CADM1: variants seen among roughly 807,000 people sequenced by gnomAD.
CADM1 encodes the protein TSLC-1.
In CADM1, 15 loss-of-function variants were observed where a neutral mutation model predicts 53.1. That is an observed-to-expected ratio of 0.28 (90% CI 0.19 to 0.44). CADM1 has a LOEUF of 0.44. Among genes scored for constraint, CADM1 ranks in the 20% least tolerant of loss-of-function variants. CADM1 has a pLI of 1.00. For synonymous variants in CADM1, 281 were observed against 243.0 expected (o/e 1.16, Z -1.45); for missense variants, 434 against 611.3 (o/e 0.71, Z 3.06).
At chr11:115,332,886 G>A (rs1030866882) in intron 1 of CADM1, among the ~76,000 whole-genome samples, 2 of 152,040 alleles carry the variant, frequency 1.3e-5, no homozygotes, top group Non-Finnish European at 1.5e-5. Context: ...GGAAAAAAGC[G>A]ATGTTCCTGG....
chr11:115,350,857 G>A (rs1331324053), intron 1 of CADM1, among the ~76,000 whole-genome samples: 1 of 149,786 alleles, frequency 6.7e-6, no homozygotes, highest in Non-Finnish European at 1.5e-5. Flanking sequence ...GGAAAGTCAC[G>A]TTTAAAATCG....
intron 1 of CADM1, among the ~76,000 whole-genome samples, chr11:115,503,320 A>G (rs886539314): frequency 2.0e-5 from 3 of 152,208 alleles, no homozygotes; most frequent in Non-Finnish European, 4.4e-5. Context: ...CAGGGAAGGC[A>G]CCGGGCGTGC....
intron 1 of CADM1, among the ~76,000 whole-genome samples, chr11:115,440,248 T>G (rs1464555197): frequency 6.6e-6 from 1 of 152,224 alleles, no homozygotes; most frequent in Non-Finnish European, 1.5e-5. Flanking sequence ...CAGCAAACAT[T>G]TCATCTCCTG....
At chr11:115,285,645 T>C (rs1943710709) in intron 1 of CADM1, among the ~76,000 whole-genome samples, 1 of 152,266 alleles carries the variant, frequency 6.6e-6, no homozygotes, top group Admixed American at 6.5e-5. Context: ...ATATTTCATT[T>C]AATCTGAAAA....
At chr11:115,453,387 C>CA (rs11286640) in intron 1 of CADM1, among the ~76,000 whole-genome samples, 1,735 of 138,472 alleles carry the variant, frequency 0.013, 18 homozygotes, top group Admixed American at 0.034. Context: ...CAAAAAAAAC[C>CA]AAAAAAAAAA....
chr11:115,253,706 C>T (rs1269883998), intron 1 of CADM1, among the ~76,000 whole-genome samples: 1 of 152,190 alleles, frequency 6.6e-6, no homozygotes, highest in Non-Finnish European at 1.5e-5. Flanking sequence ...CAGCGGAAAA[C>T]TGACCATGGA....
chr11:115,338,877 A>ATTTTTTTTTTTTTTATTTTTTTTT (rs56300408), intron 1 of CADM1, among the ~76,000 whole-genome samples: 3 of 127,738 alleles, frequency 2.3e-5, no homozygotes, highest in East Asian at 2.2e-4. Flanking sequence ...TATTTTTTTT[A>ATTTTTTTTTTTTTTATTTTTTTTT]TTTTTTTTTT....
intron 8 of CADM1, among the ~76,000 whole-genome samples, chr11:115,205,149 C>A (rs957672587): frequency 2.0e-5 from 3 of 152,118 alleles, no homozygotes; most frequent in Admixed American, 6.5e-5. Context: ...CTCCTCCCAG[C>A]CTGAATTTTC....
chr11:115,334,222 G>C (rs1260650897), intron 1 of CADM1, among the ~76,000 whole-genome samples: 1 of 152,126 alleles, frequency 6.6e-6, no homozygotes, highest in African/African-American at 2.4e-5. Flanking sequence ...TAGTATTTAA[G>C]GGCAGCAAAT....
intron 10 of CADM1, among the ~76,000 whole-genome samples, chr11:115,181,401 C>A (rs536020638): frequency 3.9e-5 from 6 of 152,262 alleles, no homozygotes; most frequent in African/African-American, 1.4e-4. Flanking sequence ...TAGTTATCTT[C>A]CCCACCCTCA....
intron 1 of CADM1, among the ~76,000 whole-genome samples, chr11:115,338,278 T>C (rs536579081): frequency 2.0e-4 from 30 of 152,286 alleles, no homozygotes; most frequent in African/African-American, 6.5e-4. Flanking sequence ...ATATCTTTTA[T>C]AGACAAGAAA....
At chr11:115,327,121 T>G (rs1042280393) in intron 1 of CADM1, among the ~76,000 whole-genome samples, 1 of 152,222 alleles carries the variant, frequency 6.6e-6, no homozygotes, top group East Asian at 1.9e-4. Flanking sequence ...CATCTTTACA[T>G]GCATACTATC....
chr11:115,418,296 G>C (rs1478632593), intron 1 of CADM1, among the ~76,000 whole-genome samples: 1 of 152,134 alleles, frequency 6.6e-6, no homozygotes, highest in Non-Finnish European at 1.5e-5. Context: ...CACGCAAGTG[G>C]TTAAGATTAT....
intron 1 of CADM1, among the ~76,000 whole-genome samples, chr11:115,372,267 C>A (rs1946327029): frequency 6.6e-6 from 1 of 152,148 alleles, no homozygotes; most frequent in South Asian, 2.1e-4. Flanking sequence ...AAGCTCAAAG[C>A]CAGACTAAAT....
intron 1 of CADM1, among the ~76,000 whole-genome samples, chr11:115,428,977 CAG>C (rs896282904): frequency 2.6e-5 from 4 of 152,140 alleles, no homozygotes; most frequent in African/African-American, 9.7e-5. Context: ...CCCAACTCTC[CAG>C]AGTGCCAGAG....
chr11:115,448,652 G>GT (rs1329622164), intron 1 of CADM1, among the ~76,000 whole-genome samples: 1 of 140,688 alleles, frequency 7.1e-6, no homozygotes, highest in African/African-American at 2.6e-5. Flanking sequence ...ATTAATGTGT[G>GT]TTGGGGGGTA....
In CADM1 at chr11:115,467,966, A is replaced by G. The variant is rs1948930723; in HGVS notation, c.124+36305T>C. On this transcript the variant is annotated intron_variant, in intron 1 of 11. Coordinates refer to ENST00000331581, the MANE Select transcript of CADM1 (RefSeq NM_001301043.2). Reference sequence around the variant, plus strand: ...TTATTAAGAAAAGCATTTCATCTTGATTATAGCCACCAATAAAAGTGAATA... The same window carrying G: ...TTATTAAGAAAAGCATTTCATCTTGGTTATAGCCACCAATAAAAGTGAATA... 2.0e-5 allele frequency among the ~76,000 whole-genome samples: 3 copies of G among 152,216 alleles called. 1 individual carries two copies. The South Asian group carries it at 6.2e-4, about 32-fold the overall frequency.
chr11:115,316,938 C>G (rs997846909), intron 1 of CADM1, among the ~76,000 whole-genome samples: 1 of 152,170 alleles, frequency 6.6e-6, no homozygotes, highest in African/African-American at 2.4e-5. Flanking sequence ...TGTAAAACCA[C>G]AGTGTGTGCA....
intron 1 of CADM1, among the ~76,000 whole-genome samples, chr11:115,279,465 T>C (rs781707801): frequency 1.3e-4 from 20 of 152,214 alleles, no homozygotes; most frequent in Admixed American, 5.9e-4. Context: ...TATGCTATAA[T>C]TGCTTTTCTT....
Sources: gnomAD v4.1 joint callset for allele counts (sites outside exome capture counted in the v4.1 genomes callset) on GRCh38, gnomAD v4.1.1 for gene constraint, MANE v1.5 for transcripts, NCBI Gene and HGNC (gene_info 2026-07-23, HGNC 2026-07-21) for gene names.